Variants in ARHGEF7 observed in about 807,000 individuals in gnomAD.
The protein encoded by ARHGEF7 is PAK-interacting exchange factor beta.
Under a neutral mutation model 109.8 loss-of-function variants are expected in ARHGEF7, and 33 were observed. The ratio of observed to expected loss-of-function variants is 0.30; its 90% confidence interval spans 0.23 to 0.40. The LOEUF is 0.40. Among genes scored for constraint, ARHGEF7 ranks in the 10% least tolerant of loss-of-function variants. ARHGEF7 has a pLI of 1.00. For missense variants in ARHGEF7, 938 were observed against 1,098.5 expected, an observed-to-expected ratio of 0.85 and a Z score of 2.07; for synonymous variants, 458 against 424.6, an observed-to-expected ratio of 1.08 and a Z score of -0.97.
chr13:111,125,279 T>C lies in ARHGEF7; in HGVS notation c.165+9588T>C, dbSNP rs370247406. On this transcript the variant is annotated intron_variant, in intron 1 of 21. Transcript: ENST00000646102. The stretch of plus-strand genomic sequence containing the variant: ...TTCATATCTCTTCTTCTGAGTACTT[T>C]AAAATTACTAGAGAAAACAAAACTG... 1.3e-4 allele frequency among the ~76,000 whole-genome samples: 20 copies of C among 152,314 alleles called. No individual in the cohort carries two copies. The East Asian group carries it at 1.4e-3, about 10-fold the overall frequency.
intron 2 of ARHGEF7, among the ~76,000 whole-genome samples, chr13:111,184,594 A>G (rs2079069711): frequency 6.6e-6 from 1 of 152,166 alleles, no homozygotes; most frequent in African/African-American, 2.4e-5. Flanking sequence ...CGTTTGTTTT[A>G]TAGGCAGCAT....
At chr13:111,207,213 C>T (rs930108872) in intron 3 of ARHGEF7, among the ~76,000 whole-genome samples, 52 of 152,152 alleles carry the variant, frequency 3.4e-4, no homozygotes, top group African/African-American at 1.2e-3. Flanking sequence ...CTGTCGTCCA[C>T]GCTGGAACAC....
intron 2 of ARHGEF7, among the ~76,000 whole-genome samples, chr13:111,195,752 T>A (rs2080426429): frequency 6.6e-6 from 1 of 152,188 alleles, no homozygotes. Flanking sequence ...TTGGACAGTC[T>A]TTTTTAAAGT....
intron 4 of ARHGEF7, among the ~76,000 whole-genome samples, chr13:111,211,215 G>A (rs916094835): frequency 3.3e-5 from 5 of 152,172 alleles, no homozygotes; most frequent in African/African-American, 1.2e-4. Context: ...TGTTCTGGAA[G>A]AATTCTGTGG....
chr13:111,298,232 T>A (rs2093469562), intron 19 of ARHGEF7, among the ~76,000 whole-genome samples: 2 of 152,264 alleles, frequency 1.3e-5, no homozygotes, highest in Admixed American at 1.3e-4. Context: ...CTATGAAATT[T>A]CTGTATCTTT....
At chr13:111,280,836 G>C (rs531389559) in intron 15 of ARHGEF7, 159 bp downstream of exon 15, 17 of 795,464 alleles carry the variant, frequency 2.1e-5, no homozygotes, top group Non-Finnish European at 3.0e-5. Context: ...GGCCCTCTTC[G>C]TGCAGTAGTG....
chr13:111,189,672 C>CT (rs1396347048), intron 2 of ARHGEF7, among the ~76,000 whole-genome samples: 6 of 152,188 alleles, frequency 3.9e-5, no homozygotes, highest in African/African-American at 1.4e-4. Flanking sequence ...CTTTTATTCC[C>CT]TTATTTGGCC....
intron 1 of ARHGEF7, among the ~76,000 whole-genome samples, chr13:111,149,971 C>T (rs2075812831): frequency 6.6e-6 from 1 of 152,188 alleles, no homozygotes; most frequent in Admixed American, 6.5e-5. Flanking sequence ...ACCCTATCAA[C>T]CTTAGCTTGC....
Position 111,131,812 on chromosome 13 carries a change from T to C in ARHGEF7, c.165+16121T>C, listed in dbSNP as rs1594880704. Among the ~76,000 whole-genome samples, 3 of 152,258 alleles carry C rather than the reference T, an allele frequency of 2.0e-5. No individual in the cohort carries two copies. The East Asian group carries it at 5.8e-4, about 29-fold the overall frequency. The stretch of plus-strand genomic sequence containing the variant: ...CTATTCCTAGCTGTTCTAGGACAAC[T>C]GGCCAGCACACACCCAGAGCCCACA... On this transcript the variant is annotated intron_variant, in intron 1 of 21. Transcript: ENST00000646102. This position sits in a 1 kb window ranked among gnomAD's most constrained non-coding sequence, Gnocchi z 4.4.
chr13:111,189,805 C>T (rs2153443865), intron 2 of ARHGEF7, among the ~76,000 whole-genome samples: 1 of 152,310 alleles, frequency 6.6e-6, no homozygotes, highest in South Asian at 2.1e-4. Context: ...TGCATTTTTA[C>T]AGAGTGCTGA....
intron 19 of ARHGEF7, chr13:111,292,543 G>T: frequency 7.1e-7 from 1 of 1,400,204 alleles, no homozygotes; most frequent in Non-Finnish European, 9.2e-7. Context: ...GTGTGTTCAC[G>T]TGAGCCTACA....
chr13:111,272,425 G>A lies in ARHGEF7; in HGVS notation c.1074-1389G>A, dbSNP rs1487545059. 1.3e-5 allele frequency among the ~76,000 whole-genome samples: 2 copies of A among 152,192 alleles called. No individual in the cohort carries two copies. The highest frequency in any genetic ancestry group is 2.4e-5 in the African/African-American group (1 of 41,448). The stretch of plus-strand genomic sequence containing the variant: ...GGGAGGCTCCTGTGAGACCAGAACC[G>A]GAAATTGGCTTGTTTCTCAGTTTTG... On this transcript the variant is annotated intron_variant, in intron 9 of 21. Coordinates refer to ENST00000646102, the MANE Select transcript of ARHGEF7 (RefSeq NM_001354046.2). The surrounding 1 kb of genome is among the most constrained non-coding windows in gnomAD (Gnocchi z 5.2).
rs778420932 is a variant in ARHGEF7, at chr13:111,275,682, C to A, written c.1419+4C>A. 2 of 1,613,988 alleles carry A rather than the reference C, an allele frequency of 1.2e-6. No individual in the cohort carries two copies. The highest frequency in any genetic ancestry group is 1.3e-5 in the African/African-American group (1 of 74,922). On this transcript the variant is annotated splice_donor_region_variant and intron_variant, in intron 12 of 21. Coordinates refer to ENST00000646102, the MANE Select transcript of ARHGEF7 (RefSeq NM_001354046.2). The stretch of plus-strand genomic sequence containing the variant: ...GATTCAGTGTGCCGGAAGTGAGGTA[C>A]TGCTGCCCACATGCACGCACCAGGG...
At chr13:111,295,914 G>T (rs2093417073) in intron 19 of ARHGEF7, among the ~76,000 whole-genome samples, 1 of 152,214 alleles carries the variant, frequency 6.6e-6, no homozygotes, top group African/African-American at 2.4e-5. Flanking sequence ...TGGCCAGATA[G>T]ACAGGTGTTC....
intron 2 of ARHGEF7, among the ~76,000 whole-genome samples, chr13:111,193,698 C>T (rs558216448): frequency 4.6e-5 from 7 of 152,318 alleles, no homozygotes; most frequent in South Asian, 4.1e-4. Context: ...TTTCAAGTGT[C>T]GTTACATCAC....
At chr13:111,204,762 A>G (rs554056427) in intron 2 of ARHGEF7, among the ~76,000 whole-genome samples, 6 of 151,832 alleles carry the variant, frequency 4.0e-5, no homozygotes, top group South Asian at 2.1e-4. Context: ...CCCCTTTCCT[A>G]TCTGGGATCT....
chr13:111,299,447 A>G (rs1180805291), intron 19 of ARHGEF7, among the ~76,000 whole-genome samples: 1 of 141,984 alleles, frequency 7.0e-6, no homozygotes, highest in Non-Finnish European at 1.5e-5. Flanking sequence ...GCTTCACACC[A>G]TTCTCCTGCC....
At chr13:111,262,509 G>T (rs1233797046) in intron 8 of ARHGEF7, among the ~76,000 whole-genome samples, 2 of 152,184 alleles carry the variant, frequency 1.3e-5, no homozygotes, top group South Asian at 4.1e-4. Flanking sequence ...ACGACAGGCT[G>T]CTGGGTTCCT....
chr13:111,136,629 A>G (rs541391171), intron 1 of ARHGEF7, among the ~76,000 whole-genome samples: 8 of 152,368 alleles, frequency 5.3e-5, no homozygotes, highest in East Asian at 1.9e-4. Flanking sequence ...CTAAATGCCC[A>G]CAAGAGAAAG....
Sources: allele counts gnomAD v4.1 joint callset (sites outside exome capture counted in the v4.1 genomes callset), GRCh38; gene constraint gnomAD v4.1.1; non-coding constraint Gnocchi (gnomAD v3.1); transcripts MANE v1.5; gene names NCBI Gene and HGNC (gene_info 2026-07-23, HGNC 2026-07-21).